Variants in HMCN2 observed in about 807,000 individuals in gnomAD.
HMCN2 encodes the protein hemicentin 2.
Under a neutral mutation model 377.5 loss-of-function variants are expected in HMCN2, and 325 were observed. The observed-to-expected ratio is 0.86, with a 90% CI of 0.79 to 0.94. The LOEUF (loss-of-function observed/expected upper bound fraction) is 0.94, where lower values mean the gene tolerates loss of function less well. HMCN2 is among the 40% of genes least tolerant of loss of function. The pLI is 0.00. For synonymous variants in HMCN2, 2,007 were observed against 2,046.8 expected (o/e 0.98, Z 0.53); for missense variants, 4,543 against 4,725.3 (o/e 0.96, Z 1.13).
chr9:130,269,511 G>A lies in HMCN2; in HGVS notation c.259+3374G>A, dbSNP rs556788820. ...GTTTTCCAGAATGTTTCAGGAGATT[G>A]AACTTCCACCAGAACTGTTTCAGGG... On this transcript the variant is annotated intron_variant, in intron 1 of 97. Transcript: ENST00000683500. Among the ~76,000 whole-genome samples, 131 of 147,922 alleles carry A rather than the reference G, an allele frequency of 8.9e-4. 3 individuals carry two copies. The highest frequency in any genetic ancestry group is 3.0e-3 in the African/African-American group (125 of 41,222).
intron 4 of HMCN2, among the ~76,000 whole-genome samples, chr9:130,292,149 A>G (rs1314608901): frequency 6.6e-6 from 1 of 151,860 alleles, no homozygotes; most frequent in Non-Finnish European, 1.5e-5. Flanking sequence ...GTTGTATCAC[A>G]CCGGGAGGCA....
chr9:130,286,074 C>T (rs1167205281), intron 3 of HMCN2, 114 bp from the exon 4 acceptor site: 1 of 410,492 alleles, frequency 2.4e-6, no homozygotes, highest in Non-Finnish European at 5.0e-6. Context: ...ATACATGTGA[C>T]AGACAGAGGA....
At chr9:130,309,684 T>C (rs1184856692) in intron 14 of HMCN2, among the ~76,000 whole-genome samples, 1 of 152,002 alleles carries the variant, frequency 6.6e-6, no homozygotes, top group Non-Finnish European at 1.5e-5. Context: ...AGCCTTGTCA[T>C]GCAGAGCCTG....
At chr9:130,384,856 C>A in intron 59 of HMCN2, 58 bp downstream of exon 59, 1 of 1,088,300 alleles carries the variant, frequency 9.2e-7, no homozygotes, top group Non-Finnish European at 1.3e-6. Flanking sequence ...CACCCCTCAG[C>A]CCATACTCCC....
At chr9:130,421,559 C>T (rs1400686752) in intron 86 of HMCN2, among the ~76,000 whole-genome samples, 1 of 152,156 alleles carries the variant, frequency 6.6e-6, no homozygotes, top group Non-Finnish European at 1.5e-5. Flanking sequence ...GGTTCCATTT[C>T]CTGTCCCCTT....
chr9:130,395,960 T>G lies in HMCN2; in HGVS notation c.10948T>G (p.Phe3650Val), dbSNP rs1842586741. The G allele has an allele frequency of 7.8e-7, 1 of 1,287,504 alleles. No individual in the cohort carries two copies. The allele number at this position is 1,287,504 out of a possible 1,614,324, so 79.8% of individuals were successfully genotyped here. ...AHTQFPERGR[F>V]LQLQALSTAD... ...CACACAATTCCCGGAGCGGGGCAGG[T>G]TCCTCCAGCTGCAGGCCCTGAGCAC... The change falls in exon 72 of 98, where the codon TTC (phenylalanine) becomes GTC (valine). Residue 3650 changes from phenylalanine to valine, a missense_variant. By Grantham distance (50) the Phe-to-Val change is conservative (BLOSUM62 -1). Around this residue, in one of 5 missense-constraint regions of HMCN2, gnomAD observed 1,073 missense variants for 1,319.5 expected, o/e 0.81. Transcript: ENST00000683500.
intron 37 of HMCN2, 96 bp downstream of exon 37, chr9:130,359,510 TG>T (rs1423109852): frequency 2.1e-6 from 1 of 486,988 alleles, no homozygotes; most frequent in Non-Finnish European, 3.6e-6. Flanking sequence ...TTGGACATAA[TG>T]GGGAGAAATC....
In HMCN2 at chr9:130,307,544, G is replaced by A. The variant is rs1220433310; in HGVS notation, c.2178G>A (p.Pro726=). ...VLVCEASGVP[P]PRVIWYRGGL... is the part of the protein sequence containing the mutation. Reference sequence around the variant, plus strand: ...TGTGTGAGGCATCTGGGGTTCCCCCGCCCCGAGTCATCTGGTATCGAGGTG... The same window carrying A: ...TGTGTGAGGCATCTGGGGTTCCCCCACCCCGAGTCATCTGGTATCGAGGTG... Residue 726 remains proline (P), a synonymous_variant, in exon 14 of 98, where the codon CCG becomes CCA. Coordinates refer to ENST00000683500, the MANE Select transcript of HMCN2 (RefSeq NM_001291815.2). 6.4e-6 allele frequency: 3 copies of A among 471,054 alleles called. No homozygotes were observed. Among genetic ancestry groups the A allele is most frequent in the Admixed American group, 4.7e-5 (2 of 42,570 alleles). The allele number at this position is 471,054 out of a possible 1,614,324, so 29.2% of individuals were successfully genotyped here.
intron 96 of HMCN2, 85 bp downstream of exon 96, chr9:130,431,571 C>T (rs549651787): frequency 6.7e-7 from 1 of 1,489,008 alleles, no homozygotes; most frequent in Non-Finnish European, 9.0e-7. Flanking sequence ...CTTACCTACT[C>T]CGTTCACTCC....
Position 130,429,677 on chromosome 9 carries a change from C to T in HMCN2, c.14318C>T (p.Pro4773Leu), listed in dbSNP as rs1014834374. The T allele has an allele frequency of 1.3e-6, 2 of 1,531,522 alleles. No homozygotes were observed. The highest frequency in any genetic ancestry group is 2.5e-5 in the East Asian group (1 of 40,538). The allele number at this position is 1,531,522 out of a possible 1,614,324, so 94.9% of individuals were successfully genotyped here. Reference protein sequence around the residue: ...RGYRMQGPSLPCLDVNECLQL... With the variant: ...RGYRMQGPSLLCLDVNECLQL... ...TACCGGATGCAGGGCCCCAGCCTGC[C>T]CTGCCTAGGTACGGGGACACCCACC... is the stretch of plus-strand genomic sequence containing the variant. The change falls in exon 94 of 98, where the codon CCC (proline) becomes CTC (leucine). Residue 4773 changes from proline (P) to leucine (L), a missense_variant. Pro to Leu is a moderately conservative substitution (Grantham distance 98, BLOSUM62 -3). Coordinates refer to ENST00000683500, the MANE Select transcript of HMCN2 (RefSeq NM_001291815.2).
chr9:130,347,954 A>C lies in HMCN2; in HGVS notation c.4025-591A>C, dbSNP rs374931845. The C allele has an allele frequency of 1.0e-6, 1 of 981,758 alleles. No homozygotes were observed. Among genetic ancestry groups the C allele is most frequent in the African/African-American group, 1.7e-5 (1 of 57,144 alleles). The allele number at this position is 981,758 out of a possible 1,614,324, so 60.8% of individuals were successfully genotyped here. Reference sequence around the variant, plus strand: ...ACTGTTACCCCTGGTCTCTTCTCACATTCTTGTCCTCAGCAGGGAGAGCGC... The same window carrying C: ...ACTGTTACCCCTGGTCTCTTCTCACCTTCTTGTCCTCAGCAGGGAGAGCGC... On this transcript the variant is annotated intron_variant, in intron 26 of 97. Transcript: ENST00000683500. This position sits in a 1 kb window ranked among gnomAD's most constrained non-coding sequence, Gnocchi z 5.1.
intron 45 of HMCN2, 91 bp from the exon 46 acceptor site, chr9:130,370,873 G>A (rs1330043938): frequency 2.6e-6 from 2 of 776,210 alleles, no homozygotes; most frequent in Non-Finnish European, 3.1e-6. Context: ...CAATTGGGTG[G>A]AGTTGGGGGG....
intron 54 of HMCN2, among the ~76,000 whole-genome samples, 189 bp from the exon 55 acceptor site, chr9:130,381,995 T>G (rs1249259745): frequency 6.6e-6 from 1 of 151,676 alleles, no homozygotes; most frequent in Non-Finnish European, 1.5e-5. Flanking sequence ...ACGCAGCGAG[T>G]GGTGGCTGTA....
At chr9:130,392,234 C>T (rs1842356239) in intron 66 of HMCN2, 116 bp downstream of exon 66, 1 of 728,430 alleles carries the variant, frequency 1.4e-6, no homozygotes, top group African/African-American at 1.9e-5. Context: ...CTCCCCACCC[C>T]ACAGCGAGTG....
At position 130,352,945 on chromosome 9, in the gene HMCN2, G is replaced by T; in HGVS notation, c.4604G>T (p.Gly1535Val). Reference protein sequence around the residue: ...LRVHAPPTIWGSNETGEVAVM... With the variant: ...LRVHAPPTIWVSNETGEVAVM... ...TTCTCAGCGCCCCCCACTATCTGGG[G>T]CTCCAACGAGACAGGCGAGGTGGCC... The change falls in exon 31 of 98, where the codon GGC (glycine) becomes GTC (valine). Residue 1535 changes from glycine (G) to valine (V), a missense_variant. By Grantham distance (109) the Gly-to-Val change is moderately radical. This residue lies in a region of HMCN2 where 1,032 missense variants were observed against 1,285.1 expected (regional missense o/e 0.80). Transcript: ENST00000683500. 7.7e-7 allele frequency: 1 copy of T among 1,292,280 alleles called. No homozygotes were observed. Among genetic ancestry groups the T allele is most frequent in the South Asian group, 1.3e-5 (1 of 79,348 alleles). The allele number at this position is 1,292,280 out of a possible 1,614,324, so 80.1% of individuals were successfully genotyped here. A position where few individuals can be genotyped will look rare whatever the true frequency, so the allele number is the denominator to read the frequency against.
rs1298959686 is a variant in HMCN2 at position 130,347,222 on chromosome 9, G to A, written c.3886G>A (p.Gly1296Ser). The change falls in exon 26 of 98, where the codon GGC (glycine) becomes AGC (serine). Residue 1296 changes from glycine (G) to serine (S), a missense_variant. Transcript: ENST00000683500. This position sits in a 1 kb window ranked among gnomAD's most constrained non-coding sequence, Gnocchi z 5.1. Reference protein sequence around the residue: ...RKGPSSEPLHGQPGVAVLEEG... With the variant: ...RKGPSSEPLHSQPGVAVLEEG... ...GGGCCCGTCCTCGGAGCCCCTGCAT[G>A]GCCAGCCAGGTGTGGCAGTGCTGGA... 1 of 152,288 alleles carries A rather than the reference G, an allele frequency of 6.6e-6. No individual in the cohort carries two copies. The highest frequency in any genetic ancestry group is 1.5e-5 in the Non-Finnish European group (1 of 68,110). 9.4% of individuals were successfully genotyped at this position (152,288 alleles called of 1,614,324 possible). A position where few individuals can be genotyped will look rare whatever the true frequency, so the allele number is the denominator to read the frequency against.
At position 130,391,395 on chromosome 9, in the gene HMCN2, G is replaced by A. The variant is rs558963087; in HGVS notation, c.9827+32G>A. ...CTTGGCCCATGCCCTCCCCAGAGGC[G>A]GTAGGGCCCATGTTCCCTTACGCCT... is the stretch of plus-strand genomic sequence containing the variant. On this transcript the variant is annotated intron_variant, in intron 64 of 97. Transcript: ENST00000683500. 6.5e-5 allele frequency: 64 copies of A among 987,806 alleles called. 1 individual carries two copies. In the African/African-American group the frequency reaches 8.0e-4, roughly 12 times the overall value. 61.2% of individuals were successfully genotyped at this position (987,806 alleles called of 1,614,324 possible). A position where few individuals can be genotyped will look rare whatever the true frequency, so the allele number is the denominator to read the frequency against.
chr9:130,407,815 C>G, intron 83 of HMCN2, 110 bp downstream of exon 83: 1 of 796,778 alleles, frequency 1.3e-6, no homozygotes, highest in Non-Finnish European at 1.6e-6. Flanking sequence ...TAGTGGTTCC[C>G]CACCCTGGCT....
intron 62 of HMCN2, among the ~76,000 whole-genome samples, chr9:130,389,072 A>G (rs1842164519): frequency 6.6e-6 from 1 of 152,140 alleles, no homozygotes; most frequent in African/African-American, 2.4e-5. Context: ...CGTGGGGCAG[A>G]AAGGTCTGAA....
Sources: gnomAD v4.1 joint callset for allele counts (sites outside exome capture counted in the v4.1 genomes callset) on GRCh38, gnomAD v4.1.1 for gene constraint, gnomAD v4.1.1 regional missense constraint, Gnocchi (gnomAD v3.1) non-coding constraint, MANE v1.5 for transcripts, NCBI Gene and HGNC (gene_info 2026-07-23, HGNC 2026-07-21) for gene names.